The following CNTNAP2 variants were observed in gnomAD, a reference collection of about 807,000 sequenced individuals.
CNTNAP2 encodes the protein contactin associated protein 2, also known as contactin-associated protein-like 2.
CNTNAP2 carries 98 observed loss-of-function variants against 155.2 expected under a neutral mutation model. That is an observed-to-expected ratio of 0.63 (90% confidence interval 0.54 to 0.75). CNTNAP2 has a LOEUF of 0.75. CNTNAP2 is among the 30% of genes least tolerant of loss of function. The pLI, the probability that CNTNAP2 is intolerant of heterozygous loss-of-function variation, is 0.00. For synonymous variants in CNTNAP2, 651 were observed against 631.2 expected (o/e 1.03, Z -0.47); for missense variants, 1,727 against 1,688.1 (o/e 1.02, Z -0.40).
intron 1 of CNTNAP2, among the ~76,000 whole-genome samples, chr7:146,324,415 G>A (rs1007820167): frequency 6.6e-6 from 1 of 152,088 alleles, no homozygotes; most frequent in African/African-American, 2.4e-5. Flanking sequence ...ACACATCATC[G>A]GTGGTAGTTT....
chr7:147,157,254 T>C (rs377076630), intron 8 of CNTNAP2, among the ~76,000 whole-genome samples: 2 of 152,236 alleles, frequency 1.3e-5, no homozygotes, highest in South Asian at 2.1e-4. Flanking sequence ...TCTATGGTGA[T>C]AATGGGGGTT....
chr7:148,060,936 G>A (rs1392921293), intron 15 of CNTNAP2, among the ~76,000 whole-genome samples: 1 of 152,174 alleles, frequency 6.6e-6, no homozygotes, highest in Non-Finnish European at 1.5e-5. Context: ...AAAAGCAATA[G>A]TTGAAAGACA....
At chr7:146,404,813 C>T (rs1460252018) in intron 1 of CNTNAP2, among the ~76,000 whole-genome samples, 2 of 152,092 alleles carry the variant, frequency 1.3e-5, no homozygotes, top group African/African-American at 2.4e-5. Context: ...CCAAACTTCT[C>T]TACTTAGCTA....
intron 13 of CNTNAP2, among the ~76,000 whole-genome samples, chr7:147,700,902 G>A (rs1010817681): frequency 1.3e-5 from 2 of 152,144 alleles, no homozygotes; most frequent in African/African-American, 2.4e-5. Context: ...CCCTGCCAAG[G>A]GACTCCCTGT....
intron 3 of CNTNAP2, among the ~76,000 whole-genome samples, chr7:146,874,859 A>G (rs1405737269): frequency 6.6e-6 from 1 of 152,136 alleles, no homozygotes; most frequent in Non-Finnish European, 1.5e-5. Context: ...TCAGTTTCCC[A>G]ATTAGCGCTT....
At chr7:146,645,826 G>T (rs1449312306) in intron 1 of CNTNAP2, among the ~76,000 whole-genome samples, 4 of 151,866 alleles carry the variant, frequency 2.6e-5, no homozygotes, top group Non-Finnish European at 5.9e-5. Flanking sequence ...GGTGTTTGTG[G>T]TTAGGGTGGG....
intron 4 of CNTNAP2, among the ~76,000 whole-genome samples, chr7:147,088,624 G>C (rs1275786437): frequency 6.6e-6 from 1 of 152,102 alleles, no homozygotes; most frequent in Non-Finnish European, 1.5e-5. Flanking sequence ...AGCCCTGAAG[G>C]GCCGTGTCAG....
intron 12 of CNTNAP2, among the ~76,000 whole-genome samples, chr7:147,603,344 T>C (rs1438299409): frequency 6.6e-6 from 1 of 152,196 alleles, no homozygotes; most frequent in East Asian, 1.9e-4. Context: ...TTTGTTTTTT[T>C]CTTGTAAATT....
intron 12 of CNTNAP2, among the ~76,000 whole-genome samples, chr7:147,600,160 C>T (rs930816605): frequency 6.6e-6 from 1 of 152,198 alleles, no homozygotes; most frequent in African/African-American, 2.4e-5. Context: ...CTCTTTCATC[C>T]ACCACTGATC....
At chr7:146,898,913 C>G (rs1282590222) in intron 3 of CNTNAP2, among the ~76,000 whole-genome samples, 1 of 151,978 alleles carries the variant, frequency 6.6e-6, no homozygotes, top group Non-Finnish European at 1.5e-5. Flanking sequence ...CTACCTTCTT[C>G]CTCCCATTGC....
intron 12 of CNTNAP2, among the ~76,000 whole-genome samples, chr7:147,590,593 A>G (rs757557737): frequency 1.3e-5 from 2 of 152,172 alleles, no homozygotes; most frequent in East Asian, 3.8e-4. Context: ...TTATTTCTTT[A>G]CAGCAGCATG....
At chr7:148,036,811 G>T (rs1049700777) in intron 15 of CNTNAP2, among the ~76,000 whole-genome samples, 1 of 151,958 alleles carries the variant, frequency 6.6e-6, no homozygotes, top group African/African-American at 2.4e-5. Context: ...TCCATAAAAT[G>T]GATGGAAATG....
At position 147,082,816 on chromosome 7, in the gene CNTNAP2, C is replaced by T. The variant is rs1312455056; in HGVS notation, c.551-25331C>T. ...GGAACAGATCTCAGGAATTAGTTGA[C>T]CCACTGACCTGATGCTTTGGGAGCC... On this transcript the variant is annotated intron_variant, in intron 4 of 23. Transcript: ENST00000361727. 4 of 152,212 alleles carry T rather than the reference C, an allele frequency of 2.6e-5. No homozygotes were observed. The East Asian group carries it at 7.8e-4, about 30-fold the overall frequency. The allele number at this position is 152,212 out of a possible 1,614,324, so 9.4% of individuals were successfully genotyped here. A position where few individuals can be genotyped will look rare whatever the true frequency, so the allele number is the denominator to read the frequency against.
chr7:147,868,654 T>C (rs1222987366), intron 13 of CNTNAP2, among the ~76,000 whole-genome samples: 2 of 152,198 alleles, frequency 1.3e-5, no homozygotes, highest in South Asian at 2.1e-4. Flanking sequence ...GCCACTTCGT[T>C]TACCTACTCA....
At chr7:148,192,892 T>G (rs1795223156) in intron 18 of CNTNAP2, among the ~76,000 whole-genome samples, 1 of 152,208 alleles carries the variant, frequency 6.6e-6, no homozygotes, top group African/African-American at 2.4e-5. Context: ...TTCTTTGCAT[T>G]TTTTGGCGGT....
At chr7:148,216,592 A>G (rs1795642116) in intron 18 of CNTNAP2, among the ~76,000 whole-genome samples, 1 of 152,208 alleles carries the variant, frequency 6.6e-6, no homozygotes, top group Non-Finnish European at 1.5e-5. Context: ...TCAACCTGAC[A>G]ATTCGTTCCT....
At chr7:146,826,842 A>G (rs1585109982) in intron 2 of CNTNAP2, among the ~76,000 whole-genome samples, 1 of 133,814 alleles carries the variant, frequency 7.5e-6, no homozygotes, top group Admixed American at 7.2e-5. Context: ...ATATGTATAT[A>G]TATATATATA....
At chr7:147,932,189 C>G (rs1029190793) in intron 14 of CNTNAP2, among the ~76,000 whole-genome samples, 13 of 152,134 alleles carry the variant, frequency 8.5e-5, no homozygotes, top group African/African-American at 2.9e-4. Flanking sequence ...CCCGCCCCAG[C>G]ATTTTTTACA....
At chr7:147,262,510 C>G (rs1012805749) in intron 8 of CNTNAP2, among the ~76,000 whole-genome samples, 1 of 151,988 alleles carries the variant, frequency 6.6e-6, no homozygotes, top group Admixed American at 6.6e-5. Flanking sequence ...TATGAAAGGA[C>G]GCAGGGAGGC....
Sources: allele counts gnomAD v4.1 joint callset (sites outside exome capture counted in the v4.1 genomes callset), GRCh38; gene constraint gnomAD v4.1.1; transcripts MANE v1.5; gene names NCBI Gene and HGNC (gene_info 2026-07-23, HGNC 2026-07-21).